The following MCC variants were observed in gnomAD, a reference collection of about 807,000 sequenced individuals.
MCC encodes MCC regulator of Wnt signaling pathway.
MCC carries 90 observed loss-of-function variants against 116.2 expected under a neutral mutation model. The ratio of observed to expected loss-of-function variants is 0.77; its 90% CI spans 0.65 to 0.92. The LOEUF (loss-of-function observed/expected upper bound fraction) is 0.92, where lower values mean the gene tolerates loss of function less well. MCC is among the 40% of genes least tolerant of loss of function. MCC has a pLI of 0.00. For synonymous variants in MCC, 578 were observed against 510.5 expected, an observed-to-expected ratio of 1.13 and a Z score of -1.78; for missense variants, 1,516 against 1,312.2, an observed-to-expected ratio of 1.16 and a Z score of -2.40.
At chr5:113,415,979 T>C (rs997610248) in intron 1 of MCC, among the ~76,000 whole-genome samples, 3 of 152,210 alleles carry the variant, frequency 2.0e-5, no homozygotes, top group African/African-American at 7.2e-5. Flanking sequence ...TTTGTTGATG[T>C]TGATGCTATT....
At chr5:113,457,747 C>A (rs1311225927) in intron 1 of MCC, among the ~76,000 whole-genome samples, 1 of 138,882 alleles carries the variant, frequency 7.2e-6, no homozygotes, top group East Asian at 2.1e-4. Flanking sequence ...GTGAGTGCAC[C>A]AATGGACACT....
intron 3 of MCC, among the ~76,000 whole-genome samples, chr5:113,223,748 G>A (rs1325442900): frequency 6.6e-6 from 1 of 152,220 alleles, no homozygotes; most frequent in Non-Finnish European, 1.5e-5. Context: ...GGCAAGAGGA[G>A]CACAAGGGCA....
intron 2 of MCC, among the ~76,000 whole-genome samples, chr5:113,347,921 C>G (rs1239607255): frequency 6.6e-6 from 1 of 151,974 alleles, no homozygotes; most frequent in African/African-American, 2.4e-5. Context: ...CAAATAGTAG[C>G]TCTACTTGTA....
intron 1 of MCC, among the ~76,000 whole-genome samples, chr5:113,469,343 C>T (rs1772012005): frequency 2.0e-5 from 3 of 152,130 alleles, no homozygotes; most frequent in South Asian, 2.1e-4. Context: ...TCCCTCTACA[C>T]ACTGCTTTGA....
At chr5:113,480,122 G>T (rs2150435462) in intron 1 of MCC, among the ~76,000 whole-genome samples, 1 of 152,238 alleles carries the variant, frequency 6.6e-6, no homozygotes, top group East Asian at 1.9e-4. Flanking sequence ...CTGAATAAGG[G>T]AGAATAGTAG....
At chr5:113,051,253 CT>C (rs1302906112) in intron 15 of MCC, among the ~76,000 whole-genome samples, 4 of 152,258 alleles carry the variant, frequency 2.6e-5, no homozygotes, top group African/African-American at 7.2e-5. Context: ...TTCTCTCCCC[CT>C]ACCCCCACCA....
intron 3 of MCC, among the ~76,000 whole-genome samples, chr5:113,215,849 C>T (rs1315853139): frequency 6.6e-6 from 1 of 150,700 alleles, no homozygotes; most frequent in Non-Finnish European, 1.5e-5. Flanking sequence ...CAAGTTGAAG[C>T]CATTAGTTAG....
In MCC at chr5:113,044,262, G is replaced by C. The variant is rs182500364; in HGVS notation, c.2656-632C>G. Among the ~76,000 whole-genome samples, 3 of 152,302 alleles carry C rather than the reference G, an allele frequency of 2.0e-5. No individual in the cohort carries two copies. In the East Asian group the frequency reaches 5.8e-4, roughly 29 times the overall value. ...CCAGCAGAGGAGGAGGAAAACAGAA[G>C]TGCAGCCCACCCCATGGCTTAGCAT... On this transcript the variant is annotated intron_variant, in intron 16 of 18. Coordinates refer to ENST00000408903, the MANE Select transcript of MCC (RefSeq NM_001085377.2).
At chr5:113,296,712 G>C (rs1402701170) in intron 3 of MCC, among the ~76,000 whole-genome samples, 1 of 152,154 alleles carries the variant, frequency 6.6e-6, no homozygotes. Context: ...GCAATGGAGA[G>C]CCACTAAAGG....
chr5:113,238,419 T>C (rs1055189074), intron 3 of MCC, among the ~76,000 whole-genome samples: 6 of 152,210 alleles, frequency 3.9e-5, no homozygotes, highest in Non-Finnish European at 8.8e-5. Context: ...TTGGCAATTA[T>C]ACATGACAGA....
chr5:113,064,047 G>T lies in MCC; in HGVS notation c.2150C>A (p.Ala717Asp). 1.2e-6 allele frequency: 2 copies of T among 1,614,198 alleles called. No homozygotes were observed. The highest frequency in any genetic ancestry group is 1.7e-6 in the Non-Finnish European group (2 of 1,180,040). Reference protein sequence around the residue: ...LMKLDGSCGGAFAVAGCSVQP... With the variant: ...LMKLDGSCGGDFAVAGCSVQP... ...CACGCTGCAGCCGGCCACGGCAAAG[G>T]CTCCCCCACAGCTGCCGTCCAGCTT... Residue 717 changes from alanine (A) to aspartate (D), a missense_variant, in exon 14 of 19, where the codon GCC (alanine) becomes GAC (aspartate). Transcript: ENST00000408903.
At chr5:113,080,767 C>G (rs1754799737) in intron 11 of MCC, among the ~76,000 whole-genome samples, 1 of 149,180 alleles carries the variant, frequency 6.7e-6, no homozygotes, top group Non-Finnish European at 1.5e-5. Context: ...AAAACCTGCA[C>G]GTTGTGCACA....
chr5:113,403,836 G>T (rs1484525629), intron 1 of MCC, among the ~76,000 whole-genome samples: 4 of 152,062 alleles, frequency 2.6e-5, no homozygotes, highest in Admixed American at 1.3e-4. Flanking sequence ...CCAACACTTT[G>T]GTTTTAAAAA....
chr5:113,444,500 C>T (rs866764639), intron 1 of MCC, among the ~76,000 whole-genome samples: 1 of 152,124 alleles, frequency 6.6e-6, no homozygotes, highest in East Asian at 1.9e-4. Flanking sequence ...GTCTTAGTTC[C>T]TTCTAAACTA....
At chr5:113,139,696 T>C (rs1759062424) in intron 5 of MCC, among the ~76,000 whole-genome samples, 1 of 152,206 alleles carries the variant, frequency 6.6e-6, no homozygotes, top group Non-Finnish European at 1.5e-5. Context: ...GACAGTGTGG[T>C]GATTCCTCAA....
In MCC at chr5:113,276,187, T is replaced by C. The variant is rs1055327747; in HGVS notation, c.627+64332A>G. ...GCCCCACACGCCTCCCCTGACTCCC[T>C]CCAGACACCCTGGCAGCACTCCTTC... On this transcript the variant is annotated intron_variant, in intron 3 of 18. Transcript: ENST00000408903. 3.3e-5 allele frequency among the ~76,000 whole-genome samples: 5 copies of C among 152,040 alleles called. No individual in the cohort carries two copies. In the South Asian group the frequency reaches 8.3e-4, roughly 25 times the overall value.
chr5:113,183,883 C>T (rs1761752480), intron 3 of MCC, among the ~76,000 whole-genome samples: 1 of 152,106 alleles, frequency 6.6e-6, no homozygotes, highest in Non-Finnish European at 1.5e-5. Flanking sequence ...CACATGACTG[C>T]TGCTCTCCTC....
chr5:113,232,997 A>C (rs1182586753), intron 3 of MCC, among the ~76,000 whole-genome samples: 2 of 152,174 alleles, frequency 1.3e-5, no homozygotes, highest in East Asian at 3.9e-4. Context: ...AAAGACTTAT[A>C]ATCTTTTATA....
At chr5:113,430,101 T>G (rs1770588390) in intron 1 of MCC, among the ~76,000 whole-genome samples, 1 of 152,218 alleles carries the variant, frequency 6.6e-6, no homozygotes, top group South Asian at 2.1e-4. Flanking sequence ...CTTGGTTGCC[T>G]GTTTCTCTTC....
Sources: gnomAD v4.1 joint callset for allele counts (sites outside exome capture counted in the v4.1 genomes callset) on GRCh38, gnomAD v4.1.1 for gene constraint, MANE v1.5 for transcripts, NCBI Gene and HGNC (gene_info 2026-07-23, HGNC 2026-07-21) for gene names.